The following GPR63 variants were observed in gnomAD, a reference collection of about 807,000 sequenced individuals.
GPR63 encodes G protein-coupled receptor 63.
A neutral mutation model predicts 23.1 loss-of-function variants in GPR63; 12 were observed. That is an observed-to-expected ratio of 0.52 (90% confidence interval 0.33 to 0.84). GPR63 has a LOEUF of 0.84. GPR63 is among the 40% of genes least tolerant of loss of function. GPR63 has a pLI of 0.02. For missense variants in GPR63, 472 were observed against 515.6 expected, an observed-to-expected ratio of 0.92 and a Z score of 0.82; for synonymous variants, 172 against 191.1, an observed-to-expected ratio of 0.90 and a Z score of 0.82.
At chr6:96,824,485 G>A (rs1473086531) in intron 1 of GPR63, among the ~76,000 whole-genome samples, 1 of 151,442 alleles carries the variant, frequency 6.6e-6, no homozygotes, top group Non-Finnish European at 1.5e-5. Flanking sequence ...CAAATGGAAA[G>A]GACTACTCCA....
At chr6:96,814,138 A>G (rs1244349742) in intron 1 of GPR63, among the ~76,000 whole-genome samples, 1 of 152,154 alleles carries the variant, frequency 6.6e-6, no homozygotes, top group Non-Finnish European at 1.5e-5. Context: ...TTTATATCTA[A>G]TACATACAAT....
Position 96,815,161 on chromosome 6 carries a change from G to A in GPR63, c.-150-15280C>T, listed in dbSNP as rs533769454. On this transcript the variant is annotated intron_variant, in intron 1 of 1. Coordinates refer to ENST00000229955, the MANE Select transcript of GPR63 (RefSeq NM_030784.4). ...GTTGACACTCACCATTTATATGAAT[G>A]CTTCCAGGAGCGAGATAATTTAACT... 6.6e-5 allele frequency among the ~76,000 whole-genome samples: 10 copies of A among 152,290 alleles called. No homozygotes were observed. The East Asian group carries it at 1.4e-3, about 21-fold the overall frequency.
At chr6:96,827,488 A>G (rs1355414944) in intron 1 of GPR63, among the ~76,000 whole-genome samples, 1 of 152,162 alleles carries the variant, frequency 6.6e-6, no homozygotes, top group African/African-American at 2.4e-5. Flanking sequence ...AGAAGTTTCC[A>G]GAATTCCTGA....
chr6:96,800,580 G>A (rs983945683), intron 1 of GPR63, among the ~76,000 whole-genome samples: 4 of 151,792 alleles, frequency 2.6e-5, no homozygotes, highest in Non-Finnish European at 5.9e-5. Flanking sequence ...AACCATACTG[G>A]AGAACTTACT....
At chr6:96,811,837 A>AAAATAAAT (rs199649144) in intron 1 of GPR63, among the ~76,000 whole-genome samples, 4 of 142,086 alleles carry the variant, frequency 2.8e-5, no homozygotes, top group African/African-American at 1.0e-4. Context: ...TATTTCATTA[A>AAAATAAAT]AAATAAATAA....
intron 1 of GPR63, among the ~76,000 whole-genome samples, chr6:96,830,771 C>G (rs1258528031): frequency 6.6e-6 from 1 of 152,182 alleles, no homozygotes; most frequent in Non-Finnish European, 1.5e-5. Flanking sequence ...GAATTTCTCT[C>G]TAAATTTAGC....
intron 1 of GPR63, among the ~76,000 whole-genome samples, chr6:96,816,255 T>C (rs1193403043): frequency 2.0e-5 from 3 of 152,146 alleles, no homozygotes; most frequent in Non-Finnish European, 4.4e-5. Context: ...CATAATGGAA[T>C]GTTAATTTTG....
chr6:96,810,238 G>T (rs979246134), intron 1 of GPR63, among the ~76,000 whole-genome samples: 10 of 152,170 alleles, frequency 6.6e-5, no homozygotes, highest in African/African-American at 2.2e-4. Context: ...GCTCACACCT[G>T]TAATCCCAGC....
At chr6:96,822,292 C>A (rs1774333732) in intron 1 of GPR63, among the ~76,000 whole-genome samples, 2 of 151,450 alleles carry the variant, frequency 1.3e-5, no homozygotes, top group African/African-American at 4.9e-5. Context: ...GACTCATCCT[C>A]AAAAAAAACG....
Position 96,799,137 on chromosome 6 carries a change from T to G in GPR63, c.595A>C (p.Ile199Leu). The G allele has an allele frequency of 6.2e-7, 1 of 1,614,148 alleles. No homozygotes were observed. The highest frequency in any genetic ancestry group is 8.5e-7 in the Non-Finnish European group (1 of 1,180,026). Residue 199 changes from isoleucine to leucine, a missense_variant, in exon 2 of 2, where the codon ATT becomes CTT. By Grantham distance (5) the Ile-to-Leu change is conservative (BLOSUM62 2). Coordinates refer to ENST00000229955, the MANE Select transcript of GPR63 (RefSeq NM_030784.4). ...KLNPYRAKVL[I>L]AVSWATSFCV... is the part of the protein sequence containing the mutation. ...AAGGAAGTTGCCCAAGAAACTGCAA[T>G]CAGAACCTTAGCTCTATATGGGTTT... is the stretch of plus-strand genomic sequence containing the variant.
chr6:96,836,506 A>C (rs1774731544), intron 1 of GPR63, among the ~76,000 whole-genome samples: 1 of 152,186 alleles, frequency 6.6e-6, no homozygotes, highest in African/African-American at 2.4e-5. Context: ...TGTATTCCCT[A>C]AGTGTCGAGA....
intron 1 of GPR63, among the ~76,000 whole-genome samples, chr6:96,830,423 CCTTTT>C (rs1225282414): frequency 6.6e-6 from 1 of 152,108 alleles, no homozygotes; most frequent in East Asian, 1.9e-4. Context: ...AAATATAGTT[CCTTTT>C]ATTTGAGATA....
At chr6:96,827,453 G>T (rs952801632) in intron 1 of GPR63, among the ~76,000 whole-genome samples, 1 of 152,036 alleles carries the variant, frequency 6.6e-6, no homozygotes, top group South Asian at 2.1e-4. Flanking sequence ...AAATTAATGA[G>T]AAAATATTCA....
intron 1 of GPR63, among the ~76,000 whole-genome samples, chr6:96,823,108 T>A (rs1031527423): frequency 3.3e-5 from 5 of 152,208 alleles, no homozygotes; most frequent in Non-Finnish European, 7.3e-5. Context: ...ATACAGCACA[T>A]AATACTGAAC....
At chr6:96,800,859 TA>T (rs1562114089) in intron 1 of GPR63, among the ~76,000 whole-genome samples, 1 of 152,204 alleles carries the variant, frequency 6.6e-6, no homozygotes, top group Non-Finnish European at 1.5e-5. Flanking sequence ...AATATTCAGG[TA>T]TGAAGAATCT....
chr6:96,834,833 T>C (rs1582285093), intron 1 of GPR63, among the ~76,000 whole-genome samples: 1 of 152,192 alleles, frequency 6.6e-6, no homozygotes, highest in African/African-American at 2.4e-5. Flanking sequence ...TTTCCAAGCA[T>C]TAATGGGTCC....
At chr6:96,828,000 T>C (rs1441233567) in intron 1 of GPR63, among the ~76,000 whole-genome samples, 1 of 152,146 alleles carries the variant, frequency 6.6e-6, no homozygotes, top group Non-Finnish European at 1.5e-5. Flanking sequence ...AAAAGTAATT[T>C]CTAACTTGAG....
chr6:96,819,822 C>CA (rs1774259634), intron 1 of GPR63, among the ~76,000 whole-genome samples: 2 of 150,144 alleles, frequency 1.3e-5, no homozygotes, highest in African/African-American at 4.9e-5. Context: ...AATACAAAGA[C>CA]AAAATTAGCT....
chr6:96,800,085 T>C (rs985288024), intron 1 of GPR63, among the ~76,000 whole-genome samples: 5 of 152,214 alleles, frequency 3.3e-5, no homozygotes, highest in Non-Finnish European at 7.3e-5. Context: ...TTCATGACAT[T>C]CATATATAAA....
Sources: allele counts gnomAD v4.1 joint callset (sites outside exome capture counted in the v4.1 genomes callset), GRCh38; gene constraint gnomAD v4.1.1; transcripts MANE v1.5; gene names NCBI Gene and HGNC (gene_info 2026-07-23, HGNC 2026-07-21).